The following ERAP2 variants were observed in gnomAD, a reference collection of about 807,000 sequenced individuals.
ERAP2 encodes leukocyte-derived arginine aminopeptidase.
In ERAP2, 118 loss-of-function variants were observed where a neutral mutation model predicts 111.1. The observed-to-expected ratio is 1.06, with a 90% CI of 0.92 to 1.24. The LOEUF is 1.24. ERAP2 is among the 50% of genes most tolerant of loss of function. The pLI, the probability that ERAP2 is intolerant of heterozygous loss-of-function variation, is 0.00. For synonymous variants in ERAP2, 410 were observed against 401.2 expected (o/e 1.02, Z -0.26); for missense variants, 1,131 against 1,125.8 (o/e 1.00, Z -0.07).
chr5:96,904,324 G>T (rs1367665404), intron 13 of ERAP2, among the ~76,000 whole-genome samples: 2 of 152,160 alleles, frequency 1.3e-5, no homozygotes, highest in Non-Finnish European at 2.9e-5. Flanking sequence ...ATTGTGCATT[G>T]CAAGCTTTCC....
At chr5:96,909,279 G>T (rs771304978) in intron 14 of ERAP2, among the ~76,000 whole-genome samples, 162 bp downstream of exon 14, 10 of 152,194 alleles carry the variant, frequency 6.6e-5, no homozygotes, top group Non-Finnish European at 1.5e-4. Flanking sequence ...CTTTACCATT[G>T]CCAATCCTAA....
intron 2 of ERAP2, among the ~76,000 whole-genome samples, chr5:96,882,691 GC>G (rs1053260984): frequency 6.6e-6 from 1 of 152,148 alleles, no homozygotes; most frequent in African/African-American, 2.4e-5. Context: ...AATTATTCCA[GC>G]CAGTTAGAAT....
At position 96,896,466 on chromosome 5, in the gene ERAP2, C is replaced by CA. The variant is rs1784866844; in HGVS notation, c.1336dup (p.Ile446AsnfsTer6). On this transcript the variant is annotated frameshift_variant, in exon 8 of 19. Transcript: ENST00000437043. LOFTEE classifies it high-confidence loss of function. The stretch of plus-strand genomic sequence containing the variant: ...CTCCAAACCAGCGGAAACCCCGACT[C>CA]AAATACAGGAAATGTTTGATGAAGT... 6.2e-7 allele frequency: 1 copy of CA among 1,613,562 alleles called. No homozygotes were observed. Among genetic ancestry groups the CA allele is most frequent in the Non-Finnish European group, 8.5e-7 (1 of 1,179,684 alleles).
intron 2 of ERAP2, among the ~76,000 whole-genome samples, chr5:96,882,676 G>A (rs1016621459): frequency 3.3e-5 from 5 of 152,126 alleles, no homozygotes; most frequent in Non-Finnish European, 7.4e-5. Flanking sequence ...TTTCATGTGA[G>A]TGAAAATTAT....
chr5:96,892,758 G>C lies in ERAP2; in HGVS notation c.1125+305G>C, dbSNP rs528073366. Among the ~76,000 whole-genome samples, 197 of 152,224 alleles carry C rather than the reference G, an allele frequency of 1.3e-3. 1 individual carries two copies. Among genetic ancestry groups the C allele is most frequent in the African/African-American group, 4.5e-3 (188 of 41,544 alleles). On this transcript the variant is annotated intron_variant, in intron 6 of 18. Transcript: ENST00000437043. ...ATACAGACACATGAAGCACAGAATT[G>C]GAAACCTTACAAATAAAGATTTCTA...
intron 1 of ERAP2, 41 bp from the exon 2 acceptor site, chr5:96,879,523 A>C: frequency 1.7e-6 from 1 of 577,076 alleles, no homozygotes; most frequent in Non-Finnish European, 3.0e-6. Flanking sequence ...TGTAAATTGA[A>C]ATCTTTTTTG....
chr5:96,906,260 C>T (rs1451706893), intron 13 of ERAP2, among the ~76,000 whole-genome samples: 2 of 151,368 alleles, frequency 1.3e-5, no homozygotes, highest in Admixed American at 1.3e-4. Context: ...CTACTTCTTC[C>T]TCTTCTTCTT....
chr5:96,889,992 C>T (rs1039997203), intron 5 of ERAP2, among the ~76,000 whole-genome samples: 14 of 151,970 alleles, frequency 9.2e-5, no homozygotes, highest in Non-Finnish European at 1.3e-4. Context: ...TGCTTCCATC[C>T]GTTATCTGTG....
At chr5:96,915,823 T>C (rs776826836) in intron 18 of ERAP2, 54 bp downstream of exon 18, 56 of 1,426,666 alleles carry the variant, frequency 3.9e-5, no homozygotes, top group Admixed American at 1.7e-4. Flanking sequence ...AATTGTGGAA[T>C]TGAAAGTAAA....
At chr5:96,915,806 A>G in intron 18 of ERAP2, 37 bp downstream of exon 18, 1 of 1,471,474 alleles carries the variant, frequency 6.8e-7, no homozygotes, top group Non-Finnish European at 9.3e-7. Flanking sequence ...TTCAAAATAA[A>G]TGTTCAAATT....
At chr5:96,914,429 C>T (rs1275923623) in intron 17 of ERAP2, among the ~76,000 whole-genome samples, 2 of 152,168 alleles carry the variant, frequency 1.3e-5, no homozygotes, top group Non-Finnish European at 2.9e-5. Flanking sequence ...AGTTGACGTC[C>T]ACATGAGACC....
In ERAP2 at chr5:96,917,772, G is replaced by A; in HGVS notation, c.*167G>A. On this transcript the variant is annotated 3_prime_UTR_variant, in exon 19 of 19. Coordinates refer to ENST00000437043, the MANE Select transcript of ERAP2 (RefSeq NM_022350.5). The stretch of plus-strand genomic sequence containing the variant: ...ATACAAAAAATTAGCCGGGCATGGT[G>A]GCAGGTGCCTGTAGTCCCAGCTACT... 1 of 422,782 alleles carries A rather than the reference G, an allele frequency of 2.4e-6. No homozygotes were observed. Among genetic ancestry groups the A allele is most frequent in the Non-Finnish European group, 4.2e-6 (1 of 238,628 alleles). 26.2% of individuals were successfully genotyped at this position (422,782 alleles called of 1,614,324 possible). A position where few individuals can be genotyped will look rare whatever the true frequency, so the allele number is the denominator to read the frequency against.
intron 13 of ERAP2, among the ~76,000 whole-genome samples, chr5:96,905,136 G>A (rs1181022623): frequency 2.0e-5 from 3 of 152,140 alleles, no homozygotes; most frequent in Non-Finnish European, 4.4e-5. Flanking sequence ...AACATTATTA[G>A]TATTATCTAA....
chr5:96,891,595 G>A (rs1031328365), intron 5 of ERAP2, among the ~76,000 whole-genome samples: 6 of 145,212 alleles, frequency 4.1e-5, no homozygotes, highest in South Asian at 4.4e-4. Context: ...ACACACACAC[G>A]TAATGCAAAT....
At chr5:96,881,317 G>T in intron 2 of ERAP2, 1 of 426,898 alleles carries the variant, frequency 2.3e-6, no homozygotes, top group South Asian at 1.7e-5. Flanking sequence ...CAGGCTAGTG[G>T]CAGTGCTTAT....
intron 2 of ERAP2, among the ~76,000 whole-genome samples, chr5:96,882,007 A>G (rs913773579): frequency 6.6e-6 from 1 of 152,118 alleles, no homozygotes; most frequent in African/African-American, 2.4e-5. Flanking sequence ...AGCTGTGTCT[A>G]CTACATCCTG....
rs1364735607 is a variant in ERAP2 at position 96,919,148 on chromosome 5, G to A, written c.*1543G>A. Reference sequence around the variant, plus strand: ...GTTGGGTCAAGAGGGGAAAGTGTTAGTCAATCCACTTTGGAGCAATATCAT... The same window carrying A: ...GTTGGGTCAAGAGGGGAAAGTGTTAATCAATCCACTTTGGAGCAATATCAT... On this transcript the variant is annotated 3_prime_UTR_variant, in exon 19 of 19. Transcript: ENST00000437043. 6.6e-6 allele frequency: 1 copy of A among 152,192 alleles called. No individual in the cohort carries two copies. Among genetic ancestry groups the A allele is most frequent in the Non-Finnish European group, 1.5e-5 (1 of 68,036 alleles). 9.4% of individuals were successfully genotyped at this position (152,192 alleles called of 1,614,324 possible).
In ERAP2 at chr5:96,878,137, A is replaced by G. The variant is rs188356393; in HGVS notation, c.-122-1427A>G. On this transcript the variant is annotated intron_variant, in intron 1 of 18. Coordinates refer to ENST00000437043, the MANE Select transcript of ERAP2 (RefSeq NM_022350.5). ...TGTTGTAGCTTTACCCTTCAAAAAGAAAGAAACTTAGTTCTATTTACAAAG... is the reference window on the plus strand; with the variant it reads ...TGTTGTAGCTTTACCCTTCAAAAAGGAAGAAACTTAGTTCTATTTACAAAG... Among the ~76,000 whole-genome samples the G allele has an allele frequency of 3.3e-5, 5 of 152,348 alleles. No homozygotes were observed. The East Asian group carries it at 9.6e-4, about 29-fold the overall frequency.
intron 4 of ERAP2, among the ~76,000 whole-genome samples, chr5:96,887,104 C>CATAT (rs1162892204): frequency 1.6e-3 from 46 of 29,154 alleles, no homozygotes; most frequent in African/African-American, 3.0e-3. Context: ...TATATATACA[C>CATAT]ACACACACAC....
Sources: gnomAD v4.1 joint callset for allele counts (sites outside exome capture counted in the v4.1 genomes callset) on GRCh38, gnomAD v4.1.1 for gene constraint, MANE v1.5 for transcripts, NCBI Gene and HGNC (gene_info 2026-07-23, HGNC 2026-07-21) for gene names.